The following PDE10A variants were observed in gnomAD, a reference collection of about 807,000 sequenced individuals.
The protein encoded by PDE10A is phosphodiesterase 10A.
In PDE10A, 39 loss-of-function variants were observed where a neutral mutation model predicts 97.7. The ratio of observed to expected loss-of-function variants is 0.40; its 90% confidence interval spans 0.31 to 0.52. The LOEUF is 0.52. Among genes scored for constraint, PDE10A ranks in the 20% least tolerant of loss-of-function variants. The pLI, the probability that PDE10A is intolerant of heterozygous loss-of-function variation, is 0.56. For synonymous variants in PDE10A, 371 were observed against 376.8 expected, an observed-to-expected ratio of 0.98 and a Z score of 0.18; for missense variants, 731 against 1,047.8, an observed-to-expected ratio of 0.70 and a Z score of 4.17.
At chr6:165,930,074 G>A (rs1192666024) in intron 1 of PDE10A, among the ~76,000 whole-genome samples, 4 of 145,684 alleles carry the variant, frequency 2.7e-5, no homozygotes, top group Admixed American at 1.4e-4. Context: ...GCTCCCTAAT[G>A]ACCAGGCACA....
At position 165,418,834 on chromosome 6, in the gene PDE10A, G is replaced by GTAAACTTTAT; in HGVS notation, c.1654-67_1654-58dup. 6.9e-7 allele frequency: 1 copy of GTAAACTTTAT among 1,443,580 alleles called. No homozygotes were observed. The highest frequency in any genetic ancestry group is 9.6e-7 in the Non-Finnish European group (1 of 1,039,046). The allele number at this position is 1,443,580 out of a possible 1,614,324, so 89.4% of individuals were successfully genotyped here. A position where few individuals can be genotyped will look rare whatever the true frequency, so the allele number is the denominator to read the frequency against. On this transcript the variant is annotated intron_variant, in intron 10 of 21. Coordinates refer to ENST00000539869, the MANE Select transcript of PDE10A (RefSeq NM_001385079.1). This position sits in a 1 kb window ranked among gnomAD's most constrained non-coding sequence, Gnocchi z 4.8. ...AATGAGACATTCAAAGAACTTGCAGGTAAACTTTATCATAAAATAAGTATT... is the reference window on the plus strand; with the variant it reads ...AATGAGACATTCAAAGAACTTGCAGGTAAACTTTATTAAACTTTATCATAAAATAAGTATT...
rs183897710 is a variant in PDE10A at position 165,504,720 on chromosome 6, T to G, written c.995-22377A>C. The stretch of plus-strand genomic sequence containing the variant: ...AATAACCTAATATATTAACATAACA[T>G]AAAATCTTACTAATAATAACCTAAT... On this transcript the variant is annotated intron_variant, in intron 2 of 21. Transcript: ENST00000539869. Among the ~76,000 whole-genome samples, 526 of 152,182 alleles carry G rather than the reference T, an allele frequency of 3.5e-3. 3 individuals carry two copies. The highest frequency in any genetic ancestry group is 0.012 in the African/African-American group (485 of 41,550).
chr6:165,861,577 G>T (rs1442382192), intron 1 of PDE10A, among the ~76,000 whole-genome samples: 4 of 151,906 alleles, frequency 2.6e-5, no homozygotes, highest in Admixed American at 6.6e-5. Context: ...GCCACTGAAG[G>T]CTCCGAGCAA....
At position 165,751,143 on chromosome 6, in the gene PDE10A, G is replaced by A. The variant is rs773345631; in HGVS notation, c.-614-207575C>T. ...GCGGGTGCATTAGACGCTCACTGAC[G>A]TCACATTTCACAGGCAACCCAGAGT... On this transcript the variant is annotated intron_variant, in intron 1 of 19. Coordinates refer to the PDE10A transcript ENST00000366882. Among the ~76,000 whole-genome samples the A allele has an allele frequency of 2.4e-4, 37 of 152,156 alleles. 1 individual carries two copies. Among genetic ancestry groups the A allele is most frequent in the African/African-American group, 1.4e-4 (6 of 41,442 alleles).
intron 1 of PDE10A, among the ~76,000 whole-genome samples, chr6:165,649,161 G>A (rs1007209399): frequency 5.3e-5 from 8 of 152,328 alleles, no homozygotes; most frequent in African/African-American, 1.9e-4. Flanking sequence ...GGAGAAGCTT[G>A]CAAGGGGAGT....
intron 18 of PDE10A, among the ~76,000 whole-genome samples, chr6:165,344,655 A>G (rs1282866793): frequency 6.6e-6 from 1 of 152,188 alleles, no homozygotes; most frequent in Non-Finnish European, 1.5e-5. Flanking sequence ...TCTTAGCTCA[A>G]GCTAAGATGT....
chr6:165,643,447 T>C (rs1185005275), intron 1 of PDE10A, among the ~76,000 whole-genome samples: 3 of 152,194 alleles, frequency 2.0e-5, no homozygotes, highest in East Asian at 1.9e-4. Context: ...CCTTTTCAGA[T>C]TGTCCCATCG....
At chr6:165,554,100 C>A (rs1784139243) in intron 1 of PDE10A, among the ~76,000 whole-genome samples, 1 of 152,098 alleles carries the variant, frequency 6.6e-6, no homozygotes, top group Admixed American at 6.6e-5. Flanking sequence ...TTAAGAAAGT[C>A]ACTTAAGTGT....
At position 165,481,426 on chromosome 6, in the gene PDE10A, C is replaced by T. The variant is rs554018640; in HGVS notation, c.1023+889G>A. ...CTATCTCCACACCCCCAACCCCCAGCGCTGGCCCAGGTCATTTTAGAGATT... is the reference window on the plus strand; with the variant it reads ...CTATCTCCACACCCCCAACCCCCAGTGCTGGCCCAGGTCATTTTAGAGATT... On this transcript the variant is annotated intron_variant, in intron 3 of 21. Transcript: ENST00000539869. Among the ~76,000 whole-genome samples the T allele has an allele frequency of 1.6e-4, 24 of 152,186 alleles. No individual in the cohort carries two copies. In the South Asian group the frequency reaches 4.8e-3, roughly 30 times the overall value.
At chr6:165,712,932 A>G (rs942706158) in intron 1 of PDE10A, among the ~76,000 whole-genome samples, 1 of 151,992 alleles carries the variant, frequency 6.6e-6, no homozygotes, top group East Asian at 1.9e-4. Flanking sequence ...GAGCCACCGC[A>G]CCCGGCCCGT....
At position 165,983,262 on chromosome 6, in the gene PDE10A, C is replaced by T. The variant is rs1785076360; in HGVS notation, c.-615+4267G>A. On this transcript the variant is annotated intron_variant, in intron 1 of 19. Transcript: ENST00000366882. ...GTGTACACAATGACCCATTTACTAT[C>T]CTACGTTCATCAGCATAAGGAATCT... Among the ~76,000 whole-genome samples, 4 of 152,180 alleles carry T rather than the reference C, an allele frequency of 2.6e-5. No individual in the cohort carries two copies. The South Asian group carries it at 8.3e-4, about 32-fold the overall frequency.
At chr6:165,849,242 A>G (rs1175211519) in intron 1 of PDE10A, among the ~76,000 whole-genome samples, 1 of 152,188 alleles carries the variant, frequency 6.6e-6, no homozygotes. Flanking sequence ...AAAAGATAAC[A>G]CATTCGGAAC....
In PDE10A at chr6:165,347,730, C is replaced by T. The variant is rs528072577; in HGVS notation, c.2784-4228G>A. On this transcript the variant is annotated intron_variant, in intron 18 of 21. Coordinates refer to ENST00000539869, the MANE Select transcript of PDE10A (RefSeq NM_001385079.1). Reference sequence around the variant, plus strand: ...CACATTTCAGGTTCTTCAGTTGAGACATCAAACATTCCTGGCAGAGGGAGG... The same window carrying T: ...CACATTTCAGGTTCTTCAGTTGAGATATCAAACATTCCTGGCAGAGGGAGG... Among the ~76,000 whole-genome samples, 6 of 152,300 alleles carry T rather than the reference C, an allele frequency of 3.9e-5. No homozygotes were observed. In the East Asian group the frequency reaches 5.8e-4, roughly 15 times the overall value.
chr6:165,442,316 C>T (rs1790532988), intron 5 of PDE10A, among the ~76,000 whole-genome samples: 2 of 152,198 alleles, frequency 1.3e-5, no homozygotes, highest in African/African-American at 2.4e-5. Context: ...ACAACAGGCC[C>T]CAGTGTGTGA....
chr6:165,353,354 T>C (rs1372191424), intron 18 of PDE10A, among the ~76,000 whole-genome samples: 1 of 152,208 alleles, frequency 6.6e-6, no homozygotes, highest in Non-Finnish European at 1.5e-5. Flanking sequence ...CATACTCTTA[T>C]AATATGACCC....
chr6:165,365,401 T>C (rs900564831), intron 18 of PDE10A, among the ~76,000 whole-genome samples: 1 of 152,162 alleles, frequency 6.6e-6, no homozygotes. Flanking sequence ...ATTTTTCATT[T>C]AAAAAGGTGA....
intron 13 of PDE10A, among the ~76,000 whole-genome samples, chr6:165,403,528 T>C (rs192421618): frequency 3.9e-5 from 6 of 152,316 alleles, no homozygotes; most frequent in African/African-American, 1.4e-4. Flanking sequence ...TTGGGAACAC[T>C]TGAGATATAA....
intron 1 of PDE10A, among the ~76,000 whole-genome samples, chr6:165,606,778 T>C (rs749943598): frequency 6.6e-6 from 1 of 152,088 alleles, no homozygotes; most frequent in Non-Finnish European, 1.5e-5. Flanking sequence ...GAAAAGCATC[T>C]GCGGCTTGGT....
At chr6:165,629,961 G>C (rs1583677481) in intron 1 of PDE10A, among the ~76,000 whole-genome samples, 1 of 152,116 alleles carries the variant, frequency 6.6e-6, no homozygotes, top group Non-Finnish European at 1.5e-5. Flanking sequence ...AGAATAAATT[G>C]ATACCATATT....
Sources: allele counts gnomAD v4.1 joint callset (sites outside exome capture counted in the v4.1 genomes callset), GRCh38; gene constraint gnomAD v4.1.1; non-coding constraint Gnocchi (gnomAD v3.1); transcripts MANE v1.5; gene names NCBI Gene and HGNC (gene_info 2026-07-23, HGNC 2026-07-21).